LRPPRC: variants seen among roughly 807,000 people sequenced by gnomAD.
LRPPRC encodes the protein leucine rich pentatricopeptide repeat containing, also known as leucine-rich PPR motif-containing protein, mitochondrial.
Under a neutral mutation model 180.3 loss-of-function variants are expected in LRPPRC, and 120 were observed. That is an observed-to-expected ratio of 0.67 (90% CI 0.57 to 0.77). The LOEUF (loss-of-function observed/expected upper bound fraction) is 0.77. LRPPRC is among the 30% of genes least tolerant of loss of function. The pLI is 0.00. For missense variants in LRPPRC, 2,012 were observed against 1,657.2 expected, an observed-to-expected ratio of 1.21 and a Z score of -3.72; for synonymous variants, 723 against 600.0, an observed-to-expected ratio of 1.21 and a Z score of -3.00.
rs753533268 is a variant in LRPPRC, at chr2:43,976,187, T to C, written c.693A>G (p.Thr231=). ...TCACAAGGGCACTGAATACTGCCTC[T>C]GTAACTGGGAGATCCTTAGTTTTCA... ...GFMKTKDLPV[T]EAVFSALVTG... The change falls in exon 6 of 38, where the codon ACA becomes ACG. Residue 231 remains threonine (T), a synonymous_variant. Coordinates refer to ENST00000260665, the MANE Select transcript of LRPPRC (RefSeq NM_133259.4). 1 of 1,612,792 alleles carries C rather than the reference T, an allele frequency of 6.2e-7. No individual in the cohort carries two copies.
At chr2:43,945,177 C>T (rs948304244) in intron 22 of LRPPRC, among the ~76,000 whole-genome samples, 155 bp downstream of exon 22, 1 of 152,138 alleles carries the variant, frequency 6.6e-6, no homozygotes, top group African/African-American at 2.4e-5. Context: ...TAATGGCCTA[C>T]ACTGTCCATG....
At chr2:43,937,414 T>C (rs969389461) in intron 23 of LRPPRC, among the ~76,000 whole-genome samples, 2 of 152,182 alleles carry the variant, frequency 1.3e-5, no homozygotes, top group African/African-American at 4.8e-5. Context: ...TGTGGTTGGA[T>C]CATGTCATTT....
chr2:43,889,213 G>T (rs1459405906), intron 37 of LRPPRC, among the ~76,000 whole-genome samples: 5 of 149,310 alleles, frequency 3.3e-5, no homozygotes, highest in African/African-American at 9.8e-5. Flanking sequence ...TACTTGGGAG[G>T]CTGAGGCAGG....
intron 32 of LRPPRC, among the ~76,000 whole-genome samples, chr2:43,900,530 C>T (rs1251754192): frequency 6.6e-6 from 1 of 152,056 alleles, no homozygotes; most frequent in East Asian, 1.9e-4. Context: ...TGAGTAATTT[C>T]TTCAATCTTC....
chr2:43,945,795 A>G (rs1672659666), intron 21 of LRPPRC, among the ~76,000 whole-genome samples: 1 of 152,074 alleles, frequency 6.6e-6, no homozygotes, highest in Non-Finnish European at 1.5e-5. Flanking sequence ...TTACACTACA[A>G]TATTGAAAGG....
chr2:43,912,280 TAA>T (rs773081922), intron 30 of LRPPRC, 150 bp downstream of exon 30: 9 of 674,108 alleles, frequency 1.3e-5, no homozygotes, highest in Non-Finnish European at 2.3e-5. Context: ...AAAAACCTGA[TAA>T]AGTTAGTTAA....
intron 34 of LRPPRC, among the ~76,000 whole-genome samples, chr2:43,897,620 C>G (rs1223493667): frequency 6.6e-6 from 1 of 151,862 alleles, no homozygotes; most frequent in Non-Finnish European, 1.5e-5. Context: ...CATCTGAAAC[C>G]CCAGTCTAGT....
At position 43,905,769 on chromosome 2, in the gene LRPPRC, T is replaced by C. The variant is rs1671048214; in HGVS notation, c.3287A>G (p.His1096Arg). ...AMEVKAFAET[H>R]IKGFTLNDAA... ...ATCGTTCAGTGTGAAGCCCTTGATG[T>C]GGGTCTCCGCGCTAAAAGAAGCAGA... The change falls in exon 31 of 38, where the codon CAC (histidine) becomes CGC (arginine). Residue 1096 changes from histidine to arginine, a missense_variant. Transcript: ENST00000260665. 5 of 1,610,122 alleles carry C rather than the reference T, an allele frequency of 3.1e-6. No homozygotes were observed. The highest frequency in any genetic ancestry group is 4.3e-6 in the Non-Finnish European group (5 of 1,176,238).
intron 1 of LRPPRC, among the ~76,000 whole-genome samples, chr2:43,989,678 C>A (rs1674685259): frequency 6.6e-6 from 1 of 152,190 alleles, no homozygotes; most frequent in African/African-American, 2.4e-5. Context: ...ATGATAACTA[C>A]CATGGCAGTT....
intron 36 of LRPPRC, among the ~76,000 whole-genome samples, chr2:43,890,701 G>C (rs576600322): frequency 1.1e-3 from 169 of 152,288 alleles, no homozygotes; most frequent in Admixed American, 0.01. Flanking sequence ...CAACAAGAGC[G>C]AGACACCATC....
At chr2:43,942,073 G>A (rs1423281941) in intron 23 of LRPPRC, among the ~76,000 whole-genome samples, 3 of 151,956 alleles carry the variant, frequency 2.0e-5, no homozygotes, top group Non-Finnish European at 2.9e-5. Flanking sequence ...ATTCCACACC[G>A]TTTCCATTTT....
At chr2:43,968,140 C>T (rs1346366830) in intron 11 of LRPPRC, among the ~76,000 whole-genome samples, 1 of 152,126 alleles carries the variant, frequency 6.6e-6, no homozygotes, top group Non-Finnish European at 1.5e-5. Flanking sequence ...CCAGCTCTCC[C>T]CCTTAGTTCT....
At chr2:43,995,720 A>T (rs1572598487) in intron 1 of LRPPRC, 79 bp downstream of exon 1, 1 of 1,263,328 alleles carries the variant, frequency 7.9e-7, no homozygotes, top group Admixed American at 4.1e-5. Flanking sequence ...CACAGGCAGG[A>T]CCCGGTCCCT....
At chr2:43,925,507 C>T (rs1384158433) in intron 26 of LRPPRC, among the ~76,000 whole-genome samples, 3 of 152,156 alleles carry the variant, frequency 2.0e-5, no homozygotes, top group Non-Finnish European at 4.4e-5. Context: ...AAACTTTACA[C>T]TCTTCTTGCC....
At chr2:43,943,950 T>C in intron 22 of LRPPRC, 56 bp from the exon 23 acceptor site, 3 of 1,281,650 alleles carry the variant, frequency 2.3e-6, no homozygotes, top group African/African-American at 1.5e-5. Context: ...GAAAACAAAC[T>C]GCTATTAAAA....
At position 43,950,531 on chromosome 2, in the gene LRPPRC, C is replaced by A. The variant is rs755250863; in HGVS notation, c.1677+42G>T. ...CATAACCTATGGTATTGGCTTGTAA[C>A]GTTAAAAGCACCTTATGATTTGCAA... On this transcript the variant is annotated intron_variant, in intron 15 of 37. Transcript: ENST00000260665. 1.2e-5 allele frequency: 18 copies of A among 1,556,008 alleles called. No homozygotes were observed. In the South Asian group the frequency reaches 1.9e-4, roughly 16 times the overall value.
At chr2:43,949,538 A>G in intron 16 of LRPPRC, 64 bp downstream of exon 16, 2 of 1,165,904 alleles carry the variant, frequency 1.7e-6, no homozygotes, top group African/African-American at 1.5e-5. Context: ...AATCCTCCTA[A>G]CCCATCATTA....
chr2:43,909,333 G>A (rs981355095), intron 30 of LRPPRC, among the ~76,000 whole-genome samples: 3 of 148,748 alleles, frequency 2.0e-5, no homozygotes, highest in Non-Finnish European at 3.0e-5. Flanking sequence ...GACGCACGGA[G>A]GAAGGCAACT....
At chr2:43,994,211 C>T (rs1336740402) in intron 1 of LRPPRC, among the ~76,000 whole-genome samples, 1 of 152,128 alleles carries the variant, frequency 6.6e-6, no homozygotes, top group Non-Finnish European at 1.5e-5. Flanking sequence ...GGCATGATTT[C>T]GGAAAGTTAA....
Sources: allele counts gnomAD v4.1 joint callset (sites outside exome capture counted in the v4.1 genomes callset), GRCh38; gene constraint gnomAD v4.1.1; transcripts MANE v1.5; gene names NCBI Gene and HGNC (gene_info 2026-07-23, HGNC 2026-07-21).